Variants in UBTF observed in about 807,000 individuals in gnomAD.
UBTF encodes the protein upstream binding transcription factor.
Under a neutral mutation model 112.3 loss-of-function variants are expected in UBTF, and 8 were observed. The observed-to-expected ratio is 0.07, with a 90% confidence interval of 0.04 to 0.13. The LOEUF (loss-of-function observed/expected upper bound fraction) is 0.13, where lower values mean the gene tolerates loss of function less well. UBTF is among the 10% of genes least tolerant of loss of function. UBTF has a pLI of 1.00. For synonymous variants in UBTF, 417 were observed against 373.1 expected, an observed-to-expected ratio of 1.12 and a Z score of -1.36; for missense variants, 457 against 982.1, an observed-to-expected ratio of 0.47 and a Z score of 7.15.
chr17:44,219,875 G>A (rs1305363573), upstream of UBTF: 8 of 150,732 alleles, frequency 5.3e-5, no homozygotes, highest in Non-Finnish European at 8.9e-5. Flanking sequence ...CCGACCCCCG[G>A]GGAGCGAGCG....
intron 18 of UBTF, 30 bp from the exon 19 acceptor site, chr17:44,207,800 C>T: frequency 6.2e-7 from 1 of 1,614,178 alleles, no homozygotes; most frequent in East Asian, 2.2e-5. Flanking sequence ...AGGTGGCAGC[C>T]ATGAGTTCGA....
chr17:44,208,002 T>A (rs781519696), intron 17 of UBTF, 91 bp from the exon 18 acceptor site: 8 of 1,531,360 alleles, frequency 5.2e-6, no homozygotes, highest in East Asian at 2.3e-5. Flanking sequence ...GGCTGAGCAT[T>A]TATATATCAT....
chr17:44,217,367 C>T (rs1414804745), intron 2 of UBTF, among the ~76,000 whole-genome samples: 1 of 152,162 alleles, frequency 6.6e-6, no homozygotes, highest in Non-Finnish European at 1.5e-5. Flanking sequence ...ACTCTCAGGG[C>T]CCTGCTCCAG....
At chr17:44,212,479 C>T (rs770972072) in intron 7 of UBTF, 25 bp from the exon 8 acceptor site, 6 of 1,498,376 alleles carry the variant, frequency 4.0e-6, no homozygotes, top group Non-Finnish European at 5.5e-6. Flanking sequence ...CCGTCAGACA[C>T]GCACAGGCAG....
chr17:44,217,814 G>C (rs1016396879), intron 2 of UBTF, among the ~76,000 whole-genome samples: 2 of 152,084 alleles, frequency 1.3e-5, no homozygotes, highest in African/African-American at 4.8e-5. Context: ...TTCCTAAAAA[G>C]CCTGAGAAGC....
chr17:44,217,500 G>C (rs544655687), intron 2 of UBTF, among the ~76,000 whole-genome samples: 133 of 152,310 alleles, frequency 8.7e-4, no homozygotes, highest in African/African-American at 3.2e-3. Context: ...GGCCACTGTG[G>C]ATGGGCTGGG....
chr17:44,207,338 GTCGTCT>G lies in UBTF; in HGVS notation c.2193_2198del (p.Glu731_Asp732del). 1 of 1,612,330 alleles carries G rather than the reference GTCGTCT, an allele frequency of 6.2e-7. No individual in the cohort carries two copies. The highest frequency in any genetic ancestry group is 8.5e-7 in the Non-Finnish European group (1 of 1,179,280). ...CTTCATCCTCATCGTCATCCTCGTC[GTCGTCT>G]TCGTCCTCGTCATCCTCTTCATTCT... On this transcript the variant is annotated inframe_deletion, in exon 21 of 21. Transcript: ENST00000436088.
rs769095607 is a variant in UBTF, at chr17:44,207,314, TTCATCCTCATCG to T, written c.2211_2222del (p.Asp737_Asp740del). 9 of 1,612,708 alleles carry T rather than the reference TTCATCCTCATCG, an allele frequency of 5.6e-6. No homozygotes were observed. Among genetic ancestry groups the T allele is most frequent in the Non-Finnish European group, 7.6e-6 (9 of 1,179,506 alleles). ...AGCTGCTGCCCTCGGACTCATTATC[TTCATCCTCATCG>T]TCATCCTCGTCGTCGTCTTCGTCCT... On this transcript the variant is annotated inframe_deletion, in exon 21 of 21. Transcript: ENST00000436088.
chr17:44,219,958 G>C (rs1342261788), upstream of UBTF, among the ~76,000 whole-genome samples: 1 of 150,948 alleles, frequency 6.6e-6, no homozygotes, highest in African/African-American at 2.4e-5. Context: ...GGGCAGCTGG[G>C]AGGAGGGGCG....
rs772822747 is a variant in UBTF, at chr17:44,216,637, G to A, written c.126C>T (p.Asp42=). Residue 42 remains aspartate (D), a synonymous_variant, in exon 3 of 21, where the codon GAC becomes GAT. Transcript: ENST00000436088. ...ATTCGGTGGTTTTGAACTTGGAGCTGTCATTGGATGGAAGGTTGTTCTTCA... is the reference window on the plus strand; with the variant it reads ...ATTCGGTGGTTTTGAACTTGGAGCTATCATTGGATGGAAGGTTGTTCTTCA... ...ECMKNNLPSN[D]SSKFKTTESH... The A allele has an allele frequency of 1.9e-6, 3 of 1,614,054 alleles. No homozygotes were observed. The highest frequency in any genetic ancestry group is 1.7e-5 in the Admixed American group (1 of 60,002).
intron 8 of UBTF, 124 bp from the exon 9 acceptor site, chr17:44,212,130 T>C (rs993769181): frequency 2.1e-6 from 2 of 934,934 alleles, no homozygotes; most frequent in East Asian, 2.9e-5. Context: ...GCGTCAGTGG[T>C]GTCACACGAG....
intron 2 of UBTF, 48 bp from the exon 3 acceptor site, chr17:44,216,752 C>G: frequency 1.3e-6 from 2 of 1,589,154 alleles, no homozygotes; most frequent in Non-Finnish European, 1.7e-6. Context: ...TGCTATCCCC[C>G]CGATCTGTTC....
In UBTF at chr17:44,210,781, G is replaced by A; in HGVS notation, c.1359+11C>T. The A allele has an allele frequency of 1.3e-6, 2 of 1,558,250 alleles. No individual in the cohort carries two copies. The highest frequency in any genetic ancestry group is 1.2e-5 in the South Asian group (1 of 85,160). On this transcript the variant is annotated intron_variant, in intron 13 of 20. Transcript: ENST00000436088. ...CCCCTGGGGGCACAGCGCTCCGCCAGGCAGCCTGACCTTCTTCTTCTCAGA... is the reference window on the plus strand; with the variant it reads ...CCCCTGGGGGCACAGCGCTCCGCCAAGCAGCCTGACCTTCTTCTTCTCAGA...
chr17:44,206,853 C>T lies in UBTF; in HGVS notation c.*389G>A, dbSNP rs915166647. ...AAGGAATGGGTCTTCCCCAAGCTTCCACCCCACCTTGGATTGGGCCGCAGG... is the reference window on the plus strand; with the variant it reads ...AAGGAATGGGTCTTCCCCAAGCTTCTACCCCACCTTGGATTGGGCCGCAGG... On this transcript the variant is annotated 3_prime_UTR_variant, in exon 21 of 21. Transcript: ENST00000436088. The T allele has an allele frequency of 3.4e-5, 10 of 293,030 alleles. No individual in the cohort carries two copies. The highest frequency in any genetic ancestry group is 6.3e-6 in the Non-Finnish European group (1 of 158,814). The allele number at this position is 293,030 out of a possible 1,614,324, so 18.2% of individuals were successfully genotyped here.
At chr17:44,212,554 G>T in intron 7 of UBTF, 100 bp from the exon 8 acceptor site, 1 of 1,073,812 alleles carries the variant, frequency 9.3e-7, no homozygotes, top group African/African-American at 1.6e-5. Context: ...TCAGGCCATG[G>T]GAGGTCACAT....
intron 17 of UBTF, 25 bp from the exon 18 acceptor site, chr17:44,207,936 G>A (rs1598214691): frequency 6.2e-7 from 1 of 1,613,680 alleles, no homozygotes; most frequent in Non-Finnish European, 8.5e-7. Context: ...AGCGGCAAGG[G>A]TTGGAACATA....
At chr17:44,212,212 G>A (rs1307847696) in intron 8 of UBTF, 132 bp downstream of exon 8, 12 of 784,954 alleles carry the variant, frequency 1.5e-5, no homozygotes, top group Non-Finnish European at 8.3e-6. Flanking sequence ...GGGCAGAGGT[G>A]AGGGGCCCAG....
rs991917714 is a variant in UBTF at position 44,210,643 on chromosome 17, G to A, written c.1359+149C>T. ...TGCGGCGCTCAGCTGACAGCTTCCC[G>A]CCTTCCGGCTGCTGGGCGCCGGCCC... On this transcript the variant is annotated intron_variant, in intron 13 of 20. Coordinates refer to ENST00000436088, the MANE Select transcript of UBTF (RefSeq NM_014233.4). 4.4e-6 allele frequency: 6 copies of A among 1,378,074 alleles called. No individual in the cohort carries two copies. The African/African-American group carries it at 7.6e-5, about 17-fold the overall frequency. The allele number at this position is 1,378,074 out of a possible 1,614,324, so 85.4% of individuals were successfully genotyped here.
rs1008239145 is a variant in UBTF, at chr17:44,211,485, C to T, written c.1047+121G>A. 32 of 1,558,444 alleles carry T rather than the reference C, an allele frequency of 2.1e-5. 1 individual carries two copies. Among genetic ancestry groups the T allele is most frequent in the Middle Eastern group, 4.6e-4 (2 of 4,342 alleles). Reference sequence around the variant, plus strand: ...GGCTCAGTTGCTAAGCCCAGCCCAGCCCCACACTGTATTGGAGGCAGGTAC... The same window carrying T: ...GGCTCAGTTGCTAAGCCCAGCCCAGTCCCACACTGTATTGGAGGCAGGTAC... On this transcript the variant is annotated intron_variant, in intron 10 of 20. Coordinates refer to ENST00000436088, the MANE Select transcript of UBTF (RefSeq NM_014233.4). The surrounding 1 kb of genome is among the most constrained non-coding windows in gnomAD (Gnocchi z 4.9).
Sources: allele counts gnomAD v4.1 joint callset (sites outside exome capture counted in the v4.1 genomes callset), GRCh38; gene constraint gnomAD v4.1.1; non-coding constraint Gnocchi (gnomAD v3.1); transcripts MANE v1.5; gene names NCBI Gene and HGNC (gene_info 2026-07-23, HGNC 2026-07-21).